The following ACTR3 variants were observed in gnomAD, a reference collection of about 807,000 sequenced individuals.
ACTR3 encodes the protein actin related protein 3.
Under a neutral mutation model 56.8 loss-of-function variants are expected in ACTR3, and 12 were observed. The observed-to-expected ratio is 0.21, with a 90% CI of 0.14 to 0.34. ACTR3 has a LOEUF of 0.34. Among genes scored for constraint, ACTR3 ranks in the 10% least tolerant of loss-of-function variants. ACTR3 has a pLI of 1.00. For synonymous variants in ACTR3, 162 were observed against 167.4 expected (o/e 0.97, Z 0.25); for missense variants, 282 against 512.5 (o/e 0.55, Z 4.34).
chr2:113,916,597 AAGG>A (rs760909830), intron 2 of ACTR3, among the ~76,000 whole-genome samples: 2 of 152,286 alleles, frequency 1.3e-5, no homozygotes, highest in Non-Finnish European at 2.9e-5. Context: ...CTGAGAATCA[AAGG>A]AGGATTTATA....
rs66720895 is a variant in ACTR3 at position 113,960,776 on chromosome 2, C to G, written c.*3321C>G. ...TTGGATAGCCCTCTGAAGTCTGTTA[C>G]CACCCAGATTTCCAACTCGGGTTAA... On this transcript the variant is annotated 3_prime_UTR_variant, in exon 12 of 12. Transcript: ENST00000263238. 0.073 allele frequency: 11,170 copies of G among 152,032 alleles called. 459 individuals carry two copies. The highest frequency in any genetic ancestry group is 0.1 in the African/African-American group (4,307 of 41,510). 9.4% of individuals were successfully genotyped at this position (152,032 alleles called of 1,614,324 possible).
Position 113,913,194 on chromosome 2 carries a change from G to A in ACTR3, c.67G>A (p.Gly23Arg), listed in dbSNP as rs1679339927. 1 of 1,594,274 alleles carries A rather than the reference G, an allele frequency of 6.3e-7. No homozygotes were observed. Among genetic ancestry groups the A allele is most frequent in the Non-Finnish European group, 8.5e-7 (1 of 1,170,530 alleles). Residue 23 changes from glycine to arginine, a missense_variant, in exon 2 of 12, where the codon GGA (glycine) becomes AGA (arginine). Coordinates refer to ENST00000263238, the MANE Select transcript of ACTR3 (RefSeq NM_005721.5). The stretch of plus-strand genomic sequence containing the variant: ...CAGGTATACAAAACTAGGATATGCT[G>A]GAAATACAGAACCACAGTTTATCAT... ...GTGYTKLGYA[G>R]NTEPQFIIPS... is the part of the protein sequence containing the mutation.
intron 7 of ACTR3, among the ~76,000 whole-genome samples, chr2:113,941,045 C>T (rs1679915811): frequency 6.6e-6 from 1 of 151,992 alleles, no homozygotes; most frequent in African/African-American, 2.4e-5. Flanking sequence ...AACTCCTGGC[C>T]TTAAGCAATC....
intron 1 of ACTR3, among the ~76,000 whole-genome samples, chr2:113,902,845 C>A (rs559826332): frequency 6.6e-6 from 1 of 152,126 alleles, no homozygotes; most frequent in African/African-American, 2.4e-5. Flanking sequence ...GGTGATCGCC[C>A]GCCTGGGCCT....
At chr2:113,957,305 C>A in intron 11 of ACTR3, 55 bp from the exon 12 acceptor site, 1 of 1,277,872 alleles carries the variant, frequency 7.8e-7, no homozygotes, top group Non-Finnish European at 1.1e-6. Flanking sequence ...TTTCAATATA[C>A]CTTCAAGATG....
intron 8 of ACTR3, among the ~76,000 whole-genome samples, chr2:113,949,377 C>CAAAAAAAAAAAAAAAA (rs1167037648): frequency 1.7e-5 from 1 of 57,720 alleles, no homozygotes; most frequent in Non-Finnish European, 3.3e-5. Flanking sequence ...GACTCGGTCT[C>CAAAAAAAAAAAAAAAA]AAAAAAAAAA....
At position 113,960,353 on chromosome 2, in the gene ACTR3, G is replaced by T. The variant is rs1428933859; in HGVS notation, c.*2898G>T. On this transcript the variant is annotated 3_prime_UTR_variant, in exon 12 of 12. Transcript: ENST00000263238. ...TTCAGACCCCCCAATACAATTTTTT[G>T]GTTTGTTTTCACAGCTACTTAAAAG... The T allele has an allele frequency of 6.6e-6, 1 of 151,626 alleles. No individual in the cohort carries two copies. Among genetic ancestry groups the T allele is most frequent in the Non-Finnish European group, 1.5e-5 (1 of 67,788 alleles). 9.4% of individuals were successfully genotyped at this position (151,626 alleles called of 1,614,324 possible).
rs1574342925 is a variant in ACTR3 at position 113,890,533 on chromosome 2, C to A, written c.44+210C>A. 1.3e-5 allele frequency: 18 copies of A among 1,366,284 alleles called. No individual in the cohort carries two copies. The East Asian group carries it at 5.3e-4, about 40-fold the overall frequency. 84.6% of individuals were successfully genotyped at this position (1,366,284 alleles called of 1,614,324 possible). ...CCTGGGACTGGGGCGGGGGCGCGGG[C>A]CCGAGATTCAACCCCCAACCCTCCC... On this transcript the variant is annotated intron_variant, in intron 1 of 11. Coordinates refer to ENST00000263238, the MANE Select transcript of ACTR3 (RefSeq NM_005721.5).
intron 1 of ACTR3, among the ~76,000 whole-genome samples, chr2:113,898,588 G>A (rs1679048828): frequency 6.6e-6 from 1 of 152,182 alleles, no homozygotes; most frequent in Admixed American, 6.5e-5. Flanking sequence ...GAGGCATACT[G>A]TATGGCACAC....
chr2:113,903,104 T>A (rs1245610642), intron 1 of ACTR3, among the ~76,000 whole-genome samples: 1 of 152,248 alleles, frequency 6.6e-6, no homozygotes, highest in Non-Finnish European at 1.5e-5. Context: ...ATTCATCTTA[T>A]AACTGGAAAC....
chr2:113,933,407 G>A (rs1236972403), intron 5 of ACTR3, among the ~76,000 whole-genome samples: 2 of 152,104 alleles, frequency 1.3e-5, no homozygotes, highest in Admixed American at 1.3e-4. Flanking sequence ...TACTCCGGAG[G>A]CTGAGGCAGA....
chr2:113,919,809 A>G (rs11903179), intron 3 of ACTR3, among the ~76,000 whole-genome samples: 6,919 of 137,628 alleles, frequency 0.05, 511 homozygotes, highest in African/African-American at 0.22. Context: ...CAGTGGCACA[A>G]TCACAGCTCA....
At chr2:113,930,146 T>C (rs1679693186) in intron 4 of ACTR3, among the ~76,000 whole-genome samples, 1 of 152,190 alleles carries the variant, frequency 6.6e-6, no homozygotes, top group African/African-American at 2.4e-5. Flanking sequence ...TGATTATCTT[T>C]TATGTAGATT....
intron 1 of ACTR3, among the ~76,000 whole-genome samples, chr2:113,907,714 T>A (rs974893333): frequency 6.6e-6 from 1 of 152,088 alleles, no homozygotes; most frequent in South Asian, 2.1e-4. Context: ...GGCTCACAGC[T>A]GTAATCCCAG....
intron 10 of ACTR3, chr2:113,955,164 A>G (rs978037976): frequency 6.6e-6 from 1 of 152,416 alleles, no homozygotes; most frequent in African/African-American, 2.4e-5. Flanking sequence ...CTTATATTTT[A>G]TCTTCAGCCT....
intron 1 of ACTR3, chr2:113,904,249 A>T (rs972650192): frequency 6.6e-6 from 1 of 152,296 alleles, no homozygotes; most frequent in Non-Finnish European, 1.5e-5. Flanking sequence ...TTCAGAATGA[A>T]TAATTTCTAC....
intron 8 of ACTR3, among the ~76,000 whole-genome samples, chr2:113,947,091 AT>A (rs1680036211): frequency 6.6e-6 from 1 of 152,190 alleles, no homozygotes; most frequent in African/African-American, 2.4e-5. Context: ...TGTATGGGCC[AT>A]TTATATGTGA....
intron 1 of ACTR3, among the ~76,000 whole-genome samples, chr2:113,894,480 C>T (rs1678967582): frequency 6.6e-6 from 1 of 152,196 alleles, no homozygotes; most frequent in Admixed American, 6.5e-5. Context: ...ATTCTTATTC[C>T]TTGATGAGTC....
At chr2:113,890,428 C>A in intron 1 of ACTR3, 105 bp downstream of exon 1, 1 of 1,341,830 alleles carries the variant, frequency 7.5e-7, no homozygotes, top group Non-Finnish European at 1.0e-6. Flanking sequence ...GTGCCGCCGC[C>A]GGCTGTCAGT....
Sources: gnomAD v4.1 joint callset for allele counts (sites outside exome capture counted in the v4.1 genomes callset) on GRCh38, gnomAD v4.1.1 for gene constraint, MANE v1.5 for transcripts, NCBI Gene and HGNC (gene_info 2026-07-23, HGNC 2026-07-21) for gene names.